SLC22A3: variants seen among roughly 807,000 people sequenced by gnomAD.
SLC22A3 encodes the protein solute carrier family 22 member 3, also known as EMT organic cation transporter 3.
Under a neutral mutation model 59.1 loss-of-function variants are expected in SLC22A3, and 51 were observed. The observed-to-expected ratio is 0.86, with a 90% CI of 0.69 to 1.09. SLC22A3 has a LOEUF of 1.09. Ranked by LOEUF, SLC22A3 falls within the 50% of genes least tolerant of loss-of-function variation. The pLI is 0.00. For synonymous variants in SLC22A3, 325 were observed against 292.0 expected (o/e 1.11, Z -1.15); for missense variants, 711 against 726.3 (o/e 0.98, Z 0.24).
chr6:160,425,851 A>T, intron 5 of SLC22A3: 14 of 985,444 alleles, frequency 1.4e-5, no homozygotes, highest in Non-Finnish European at 1.7e-5. Context: ...ATTAATGCAG[A>T]TTAATTACCA....
chr6:160,348,512 CT>C lies in SLC22A3; in HGVS notation c.95del (p.Phe32SerfsTer130), dbSNP rs1392411902. On this transcript the variant is annotated frameshift_variant, in exon 1 of 11. Transcript: ENST00000275300. LOFTEE classifies it high-confidence loss of function. ...TGCTGCTGTGCCTGACGGGCGTCAC[CT>C]TCGCCTTCCTCTTCGTCGGCGTGGT... The part of the protein sequence containing the change: ...FLLLCLTGVT[F>X]AFLFVGVVFL... 1.9e-6 allele frequency: 3 copies of C among 1,564,418 alleles called. No homozygotes were observed. The highest frequency in any genetic ancestry group is 5.0e-5 in the East Asian group (2 of 39,924).
intron 5 of SLC22A3, among the ~76,000 whole-genome samples, chr6:160,413,609 T>C (rs1787346841): frequency 6.6e-6 from 1 of 152,334 alleles, no homozygotes; most frequent in East Asian, 1.9e-4. Context: ...GTGTGCACTA[T>C]CTTCAGGACA....
intron 5 of SLC22A3, among the ~76,000 whole-genome samples, chr6:160,423,961 C>T (rs1787853004): frequency 6.6e-6 from 1 of 152,188 alleles, no homozygotes; most frequent in Non-Finnish European, 1.5e-5. Flanking sequence ...TCAGGTCTAA[C>T]ATTTAAGTCT....
intron 2 of SLC22A3, among the ~76,000 whole-genome samples, chr6:160,402,500 G>A (rs1331185166): frequency 6.6e-6 from 1 of 151,728 alleles, no homozygotes; most frequent in Non-Finnish European, 1.5e-5. Flanking sequence ...AACCTATAAA[G>A]ATATAATTGA....
At chr6:160,373,774 A>C (rs1448074430) in intron 1 of SLC22A3, among the ~76,000 whole-genome samples, 3 of 152,178 alleles carry the variant, frequency 2.0e-5, no homozygotes, top group Non-Finnish European at 4.4e-5. Flanking sequence ...AGCTCTGTCC[A>C]GTTCAAACTT....
At position 160,436,182 on chromosome 6, in the gene SLC22A3, T is replaced by C. The variant is rs193065352; in HGVS notation, c.976-598T>C. 3.8e-4 allele frequency among the ~76,000 whole-genome samples: 58 copies of C among 152,272 alleles called. No homozygotes were observed. In the East Asian group the frequency reaches 0.011, roughly 28 times the overall value. On this transcript the variant is annotated intron_variant, in intron 5 of 10. Coordinates refer to ENST00000275300, the MANE Select transcript of SLC22A3 (RefSeq NM_021977.4). ...TTAGACTGGAGGCAGGATGTGGGGA[T>C]TGGGGGGTGTCCTCTCCAGCTTCGC... is the stretch of plus-strand genomic sequence containing the variant.
At chr6:160,365,854 T>G (rs923149423) in intron 1 of SLC22A3, among the ~76,000 whole-genome samples, 7 of 151,748 alleles carry the variant, frequency 4.6e-5, no homozygotes, top group African/African-American at 1.7e-4. Flanking sequence ...GAAGGGGAGG[T>G]AAACACTTCC....
chr6:160,379,768 C>T (rs78050064), intron 1 of SLC22A3, among the ~76,000 whole-genome samples: 3,705 of 152,274 alleles, frequency 0.024, 151 homozygotes, highest in Middle Eastern at 0.11. Flanking sequence ...TCACAAGTCA[C>T]ATGAAGATCA....
intron 1 of SLC22A3, among the ~76,000 whole-genome samples, chr6:160,360,667 C>T (rs969127975): frequency 6.6e-6 from 1 of 152,178 alleles, no homozygotes; most frequent in Non-Finnish European, 1.5e-5. Context: ...CATTTCAAGG[C>T]CACCTTTCCT....
At chr6:160,438,901 C>T (rs983726298) in intron 7 of SLC22A3, among the ~76,000 whole-genome samples, 2 of 152,204 alleles carry the variant, frequency 1.3e-5, no homozygotes, top group Admixed American at 1.3e-4. Context: ...GGTGTCACTC[C>T]TATCTCTGCC....
At chr6:160,420,826 T>C (rs1787700277) in intron 5 of SLC22A3, among the ~76,000 whole-genome samples, 1 of 152,208 alleles carries the variant, frequency 6.6e-6, no homozygotes, top group Non-Finnish European at 1.5e-5. Context: ...CCCTGATGCC[T>C]AGAAGAAGAC....
chr6:160,411,670 A>T (rs1787255340), intron 5 of SLC22A3, among the ~76,000 whole-genome samples: 1 of 152,166 alleles, frequency 6.6e-6, no homozygotes, highest in African/African-American at 2.4e-5. Context: ...TGAGCCCAGG[A>T]CTTTGAGACT....
intron 1 of SLC22A3, among the ~76,000 whole-genome samples, chr6:160,371,935 A>G (rs779298726): frequency 2.6e-5 from 4 of 152,054 alleles, no homozygotes; most frequent in Admixed American, 6.6e-5. Context: ...CAGTGATGAC[A>G]AGCTTTTTTT....
intron 5 of SLC22A3, among the ~76,000 whole-genome samples, chr6:160,432,648 G>A (rs189433924): frequency 2.0e-5 from 3 of 152,116 alleles, no homozygotes; most frequent in East Asian, 1.9e-4. Context: ...GGCTGGTCTC[G>A]AACTCCTGAC....
intron 7 of SLC22A3, among the ~76,000 whole-genome samples, chr6:160,441,766 T>C (rs1022073017): frequency 6.6e-6 from 1 of 152,286 alleles, no homozygotes; most frequent in South Asian, 2.1e-4. Flanking sequence ...GACTATTTAG[T>C]GCTAAATGAA....
chr6:160,378,900 C>T (rs550179370), intron 1 of SLC22A3, among the ~76,000 whole-genome samples: 1 of 152,304 alleles, frequency 6.6e-6, no homozygotes, highest in South Asian at 2.1e-4. Flanking sequence ...TGCCACTTCC[C>T]AGCATATATG....
intron 7 of SLC22A3, among the ~76,000 whole-genome samples, chr6:160,438,576 C>T (rs773955701): frequency 1.8e-5 from 2 of 112,728 alleles, no homozygotes; most frequent in Admixed American, 9.6e-5. Flanking sequence ...TGCCAATATT[C>T]GGAACACACA....
intron 5 of SLC22A3, among the ~76,000 whole-genome samples, chr6:160,414,153 T>C (rs1383460701): frequency 6.6e-6 from 1 of 152,234 alleles, no homozygotes; most frequent in East Asian, 1.9e-4. Context: ...AGTGGCTTAG[T>C]ACATTTCCAT....
chr6:160,358,593 T>C (rs1280154023), intron 1 of SLC22A3, among the ~76,000 whole-genome samples: 1 of 152,172 alleles, frequency 6.6e-6, no homozygotes, highest in East Asian at 1.9e-4. Context: ...TTTGGCAAGA[T>C]TTCTCAAGCC....
Sources: allele counts gnomAD v4.1 joint callset (sites outside exome capture counted in the v4.1 genomes callset), GRCh38; gene constraint gnomAD v4.1.1; transcripts MANE v1.5; gene names NCBI Gene and HGNC (gene_info 2026-07-23, HGNC 2026-07-21).